The following LRP1B variants were observed in gnomAD, a reference collection of about 807,000 sequenced individuals.
LRP1B encodes LDL receptor related protein 1B.
LRP1B carries 217 observed loss-of-function variants against 556.6 expected under a neutral mutation model. The observed-to-expected ratio is 0.39, with a 90% confidence interval of 0.35 to 0.44. The LOEUF is 0.44. LRP1B is among the 20% of genes least tolerant of loss of function. LRP1B has a pLI of 1.00. For missense variants in LRP1B, 5,053 were observed against 5,620.8 expected (o/e 0.90, Z 3.23); for synonymous variants, 2,047 against 1,865.8 (o/e 1.10, Z -2.50).
At chr2:141,580,594 A>G (rs1204304069) in intron 2 of LRP1B, among the ~76,000 whole-genome samples, 1 of 152,210 alleles carries the variant, frequency 6.6e-6, no homozygotes, top group Non-Finnish European at 1.5e-5. Flanking sequence ...TGGTGCCAAC[A>G]TATCCTTAGA....
intron 1 of LRP1B, among the ~76,000 whole-genome samples, chr2:141,945,845 A>C (rs1364405466): frequency 2.0e-5 from 3 of 152,192 alleles, no homozygotes; most frequent in African/African-American, 7.2e-5. Flanking sequence ...ATACATTCCT[A>C]AACATATTGT....
chr2:141,123,985 A>G (rs1701132427), intron 7 of LRP1B, among the ~76,000 whole-genome samples: 1 of 152,150 alleles, frequency 6.6e-6, no homozygotes, highest in Non-Finnish European at 1.5e-5. Flanking sequence ...AGAAGAAATG[A>G]ATATGTCTAA....
At chr2:141,854,046 A>T (rs1361270671) in intron 1 of LRP1B, among the ~76,000 whole-genome samples, 1 of 151,994 alleles carries the variant, frequency 6.6e-6, no homozygotes, top group Non-Finnish European at 1.5e-5. Context: ...TAAATTTATT[A>T]TTCTGTAAAG....
At chr2:140,356,977 T>C (rs937995364) in intron 74 of LRP1B, among the ~76,000 whole-genome samples, 3 of 151,820 alleles carry the variant, frequency 2.0e-5, no homozygotes, top group African/African-American at 7.2e-5. Flanking sequence ...ATGCTGGACA[T>C]ACATATGAAG....
intron 1 of LRP1B, among the ~76,000 whole-genome samples, chr2:141,991,941 C>T (rs1243205598): frequency 6.6e-6 from 1 of 152,062 alleles, no homozygotes; most frequent in Non-Finnish European, 1.5e-5. Flanking sequence ...ATCAATATCC[C>T]TGGTATTCCT....
chr2:140,580,741 C>A (rs2105135262), intron 43 of LRP1B, among the ~76,000 whole-genome samples: 1 of 152,200 alleles, frequency 6.6e-6, no homozygotes, highest in Non-Finnish European at 1.5e-5. Flanking sequence ...GAGTTAATGG[C>A]TTTTTATCTT....
rs1300826574 is a variant in LRP1B, at chr2:142,130,857, A to C, written c.-128T>G. 1 of 760,430 alleles carries C rather than the reference A, an allele frequency of 1.3e-6. No individual in the cohort carries two copies. Among genetic ancestry groups the C allele is most frequent in the South Asian group, 1.5e-5 (1 of 68,462 alleles). The allele number at this position is 760,430 out of a possible 1,614,324, so 47.1% of individuals were successfully genotyped here. On this transcript the variant is annotated 5_prime_UTR_variant, in exon 1 of 91. Coordinates refer to ENST00000389484, the MANE Select transcript of LRP1B (RefSeq NM_018557.3). The stretch of plus-strand genomic sequence containing the variant: ...CGGCGTCATTTACAAATGTCACTGG[A>C]AATTCTTCAGCTCAATGAGTCCAGC...
At chr2:141,837,365 T>G (rs1156405015) in intron 1 of LRP1B, among the ~76,000 whole-genome samples, 1 of 152,156 alleles carries the variant, frequency 6.6e-6, no homozygotes, top group Non-Finnish European at 1.5e-5. Flanking sequence ...AATATATGGG[T>G]TTACACCAAA....
chr2:140,950,464 A>C (rs1200024142), intron 19 of LRP1B, 62 bp from the exon 20 acceptor site: 1 of 1,344,148 alleles, frequency 7.4e-7, no homozygotes, highest in African/African-American at 1.5e-5. Context: ...TTTTCTTATG[A>C]AATATCTAAC....
At chr2:142,066,936 G>T (rs1705130022) in intron 1 of LRP1B, among the ~76,000 whole-genome samples, 1 of 151,390 alleles carries the variant, frequency 6.6e-6, no homozygotes, top group Non-Finnish European at 1.5e-5. Flanking sequence ...AAATCAAGCT[G>T]TCTGCAGGGT....
At chr2:141,404,044 T>C (rs1411322185) in intron 3 of LRP1B, among the ~76,000 whole-genome samples, 2 of 152,204 alleles carry the variant, frequency 1.3e-5, no homozygotes, top group Non-Finnish European at 2.9e-5. Context: ...AGTGGGGATA[T>C]TGGATACAAG....
chr2:142,040,191 ATTTT>A lies in LRP1B; in HGVS notation c.82+90453_82+90456del, dbSNP rs528374059. On this transcript the variant is annotated intron_variant, in intron 1 of 90. Transcript: ENST00000389484. ...AATCTGGTTTCTAATGATTGACTTA[ATTTT>A]TTTTAATGCTTGCTGCTATCCACTT... is the stretch of plus-strand genomic sequence containing the variant. 2.0e-4 allele frequency among the ~76,000 whole-genome samples: 31 copies of A among 151,270 alleles called. No homozygotes were observed. In the South Asian group the frequency reaches 4.0e-3, roughly 19 times the overall value.
chr2:140,265,280 AT>A (rs5834730), intron 86 of LRP1B, among the ~76,000 whole-genome samples: 50,106 of 151,794 alleles, frequency 0.33, 8,760 homozygotes, highest in African/African-American at 0.43. Flanking sequence ...AACACATTAG[AT>A]TTTTTTAAAA....
At chr2:141,489,158 G>C (rs1034803047) in intron 2 of LRP1B, among the ~76,000 whole-genome samples, 5 of 143,082 alleles carry the variant, frequency 3.5e-5, no homozygotes, top group East Asian at 4.2e-4. Context: ...GGGACTGGGT[G>C]GGGGGCAGAT....
At chr2:140,503,136 A>G in intron 53 of LRP1B, 33 bp from the exon 54 acceptor site, 1 of 1,603,964 alleles carries the variant, frequency 6.2e-7, no homozygotes, top group South Asian at 1.1e-5. Context: ...TGACTAATTC[A>G]CATAACAAAT....
intron 3 of LRP1B, among the ~76,000 whole-genome samples, chr2:141,441,762 G>A (rs1462924995): frequency 6.6e-6 from 1 of 152,130 alleles, no homozygotes; most frequent in Non-Finnish European, 1.5e-5. Flanking sequence ...GTCTCATTAT[G>A]AAACCAGGAA....
At chr2:140,421,883 C>T (rs1249646497) in intron 66 of LRP1B, among the ~76,000 whole-genome samples, 1 of 152,130 alleles carries the variant, frequency 6.6e-6, no homozygotes, top group African/African-American at 2.4e-5. Flanking sequence ...CTGAAACTGT[C>T]CAGTGCCCTG....
intron 18 of LRP1B, among the ~76,000 whole-genome samples, chr2:140,972,550 C>A (rs1258446627): frequency 6.6e-6 from 1 of 151,710 alleles, no homozygotes; most frequent in Non-Finnish European, 1.5e-5. Context: ...TTGATGTTCT[C>A]AGAATATTGA....
At position 141,096,633 on chromosome 2, in the gene LRP1B, A is replaced by G. The variant is rs868544016; in HGVS notation, c.1014-34360T>C. On this transcript the variant is annotated intron_variant, in intron 7 of 90. Coordinates refer to ENST00000389484, the MANE Select transcript of LRP1B (RefSeq NM_018557.3). The stretch of plus-strand genomic sequence containing the variant: ...ATGACAAAGACGGGGAGAGGGGGAG[A>G]GAGAGAGAGAGAGAGAGAGAGAGAG... Among the ~76,000 whole-genome samples the G allele has an allele frequency of 3.0e-3, 124 of 40,986 alleles. 1 individual carries two copies. The highest frequency in any genetic ancestry group is 0.011 in the African/African-American group (116 of 10,280). 26.9% of individuals were successfully genotyped at this position (40,986 alleles called of 152,430 possible). A position where few individuals can be genotyped will look rare whatever the true frequency, so the allele number is the denominator to read the frequency against.
Sources: gnomAD v4.1 joint callset for allele counts (sites outside exome capture counted in the v4.1 genomes callset) on GRCh38, gnomAD v4.1.1 for gene constraint, MANE v1.5 for transcripts, NCBI Gene and HGNC (gene_info 2026-07-23, HGNC 2026-07-21) for gene names.